GRIN2A: variants seen among roughly 807,000 people sequenced by gnomAD.
GRIN2A encodes the protein glutamate ionotropic receptor NMDA type subunit 2A.
In GRIN2A, 22 loss-of-function variants were observed where a neutral mutation model predicts 113.4. That is an observed-to-expected ratio of 0.19 (90% CI 0.14 to 0.28). The LOEUF (loss-of-function observed/expected upper bound fraction) is 0.28. Ranked by LOEUF, GRIN2A falls within the 10% of genes least tolerant of loss-of-function variation. The pLI, the probability that GRIN2A is intolerant of heterozygous loss-of-function variation, is 1.00. For synonymous variants in GRIN2A, 827 were observed against 738.4 expected (o/e 1.12, Z -1.94); for missense variants, 1,502 against 1,887.0 (o/e 0.80, Z 3.78).
chr16:10,092,794 T>C (rs765146532), intron 2 of GRIN2A, among the ~76,000 whole-genome samples: 2 of 151,690 alleles, frequency 1.3e-5, no homozygotes, highest in Non-Finnish European at 2.9e-5. Context: ...CTCCATCTCA[T>C]GTACTCAGAG....
chr16:10,179,898 C>G (rs1209597251), intron 2 of GRIN2A, 100 bp downstream of exon 2: 1 of 490,230 alleles, frequency 2.0e-6, no homozygotes, highest in South Asian at 1.5e-5. Context: ...ACCCCCACTT[C>G]ACATCAAGAC....
intron 2 of GRIN2A, among the ~76,000 whole-genome samples, chr16:9,959,926 T>C (rs568135603): frequency 6.6e-6 from 1 of 152,142 alleles, no homozygotes; most frequent in African/African-American, 2.4e-5. Flanking sequence ...TGAGCCAAAA[T>C]CGGGCCACTG....
intron 2 of GRIN2A, among the ~76,000 whole-genome samples, chr16:9,981,906 C>A (rs1031510478): frequency 6.6e-6 from 1 of 152,174 alleles, no homozygotes; most frequent in African/African-American, 2.4e-5. Flanking sequence ...CCTACCTCAG[C>A]CTCCTCAGTA....
chr16:9,830,891 G>T (rs573223883), intron 8 of GRIN2A, among the ~76,000 whole-genome samples: 1 of 152,182 alleles, frequency 6.6e-6, no homozygotes, highest in African/African-American at 2.4e-5. Context: ...AAAACTTAGA[G>T]TTAATCCAGT....
intron 2 of GRIN2A, among the ~76,000 whole-genome samples, chr16:9,954,901 G>A (rs551486401): frequency 1.3e-5 from 2 of 152,092 alleles, no homozygotes; most frequent in Non-Finnish European, 2.9e-5. Context: ...TGTTCATTAT[G>A]TTGAGTGGTA....
intron 2 of GRIN2A, among the ~76,000 whole-genome samples, chr16:10,177,141 C>T (rs747938528): frequency 1.3e-5 from 2 of 152,182 alleles, no homozygotes; most frequent in Non-Finnish European, 2.9e-5. Flanking sequence ...GACAAATAAA[C>T]TCAATGTTCA....
At chr16:10,028,999 C>T (rs984324150) in intron 2 of GRIN2A, among the ~76,000 whole-genome samples, 36 of 152,262 alleles carry the variant, frequency 2.4e-4, no homozygotes, top group Admixed American at 2.2e-3. Context: ...AAGGGGGAGT[C>T]CTCTTTGGTT....
intron 2 of GRIN2A, among the ~76,000 whole-genome samples, chr16:9,999,928 C>T (rs2046292162): frequency 6.6e-6 from 1 of 152,086 alleles, no homozygotes; most frequent in African/African-American, 2.4e-5. Flanking sequence ...GGCTAAAAAT[C>T]AAAGTATGGA....
At chr16:9,954,556 C>G (rs967114313) in intron 2 of GRIN2A, among the ~76,000 whole-genome samples, 2 of 152,178 alleles carry the variant, frequency 1.3e-5, no homozygotes, top group African/African-American at 4.8e-5. Flanking sequence ...TAAACACTCA[C>G]CTCATTAATA....
At chr16:9,960,607 T>C (rs951957158) in intron 2 of GRIN2A, among the ~76,000 whole-genome samples, 2 of 152,212 alleles carry the variant, frequency 1.3e-5, no homozygotes, top group African/African-American at 4.8e-5. Context: ...TAATTTTTCT[T>C]TTTTATACAC....
At position 9,764,469 on chromosome 16, in the gene GRIN2A, T is replaced by C. The variant is rs1290255256; in HGVS notation, c.3075A>G (p.Ser1025=). ...KKSVDSIRQD[S]LSQNPVSQRD... ...TCTGGGAGACTGGATTCTGGGATAG[T>C]GAATCCTGGCGTATGGAATCCACGG... The change falls in exon 13 of 13, where the codon TCA becomes TCG. Residue 1025 remains serine (S), a synonymous_variant. Transcript: ENST00000330684. The C allele has an allele frequency of 6.2e-7, 1 of 1,614,130 alleles. No individual in the cohort carries two copies. Among genetic ancestry groups the C allele is most frequent in the Non-Finnish European group, 8.5e-7 (1 of 1,179,992 alleles).
chr16:10,116,527 G>A (rs182907239), intron 2 of GRIN2A, among the ~76,000 whole-genome samples: 23 of 152,282 alleles, frequency 1.5e-4, no homozygotes, highest in African/African-American at 5.5e-4. Context: ...ATGAAGCAAA[G>A]GGGAATTACT....
chr16:9,846,661 A>C (rs1420613731), intron 5 of GRIN2A, among the ~76,000 whole-genome samples: 1 of 152,214 alleles, frequency 6.6e-6, no homozygotes, highest in Admixed American at 6.5e-5. Context: ...GGGAGAAGAC[A>C]AACTATACAC....
chr16:9,787,646 A>G (rs929932785), intron 11 of GRIN2A, among the ~76,000 whole-genome samples: 4 of 152,216 alleles, frequency 2.6e-5, no homozygotes, highest in Admixed American at 6.5e-5. Context: ...CTTCATGGAT[A>G]AATACATACA....
intron 2 of GRIN2A, among the ~76,000 whole-genome samples, chr16:10,038,142 C>T (rs1336240819): frequency 3.3e-5 from 5 of 152,192 alleles, no homozygotes; most frequent in African/African-American, 4.8e-5. Flanking sequence ...CCAGCATATT[C>T]GGTGTCTGGT....
chr16:9,994,969 G>A (rs1451915161), intron 2 of GRIN2A, among the ~76,000 whole-genome samples: 1 of 152,184 alleles, frequency 6.6e-6, no homozygotes, highest in East Asian at 1.9e-4. Flanking sequence ...ACAAGGGAGG[G>A]GAGGGGCTCT....
chr16:9,845,367 T>C (rs2042753760), intron 5 of GRIN2A, among the ~76,000 whole-genome samples: 1 of 152,198 alleles, frequency 6.6e-6, no homozygotes, highest in Admixed American at 6.5e-5. Context: ...TTAAAGACTC[T>C]AAACTCCTAT....
At chr16:9,845,383 A>G (rs1192393060) in intron 5 of GRIN2A, among the ~76,000 whole-genome samples, 3 of 152,054 alleles carry the variant, frequency 2.0e-5, no homozygotes, top group African/African-American at 7.2e-5. Context: ...CCTATTATTG[A>G]TTCTGGAGCA....
chr16:10,034,535 CAAAAAAA>C (rs58076569), intron 2 of GRIN2A, among the ~76,000 whole-genome samples: 2 of 36,430 alleles, frequency 5.5e-5, no homozygotes, highest in Admixed American at 3.8e-4. Flanking sequence ...CAAAAAAAAG[CAAAAAAA>C]AAAAAAAAAA....
Sources: allele counts gnomAD v4.1 joint callset (sites outside exome capture counted in the v4.1 genomes callset), GRCh38; gene constraint gnomAD v4.1.1; transcripts MANE v1.5; gene names NCBI Gene and HGNC (gene_info 2026-07-23, HGNC 2026-07-21).